Variants in PKNOX2 observed in about 807,000 individuals in gnomAD.
PKNOX2 encodes homeobox protein PKNOX2.
A neutral mutation model predicts 53.1 loss-of-function variants in PKNOX2; 14 were observed. The ratio of observed to expected loss-of-function variants is 0.26; its 90% CI spans 0.17 to 0.41. The LOEUF is 0.41. Among genes scored for constraint, PKNOX2 ranks in the 10% least tolerant of loss-of-function variants. The probability of loss-of-function intolerance (pLI) is 1.00; values close to 1 mark genes in which losing one functional copy is unlikely to be tolerated. For missense variants in PKNOX2, 496 were observed against 602.8 expected (o/e 0.82, Z 1.85); for synonymous variants, 257 against 242.8 (o/e 1.06, Z -0.54).
chr11:125,301,632 T>C (rs1484994477), intron 2 of PKNOX2, among the ~76,000 whole-genome samples: 1 of 152,128 alleles, frequency 6.6e-6, no homozygotes, highest in Admixed American at 6.5e-5. Flanking sequence ...CATATTATCT[T>C]TCCTTCTTCC....
At chr11:125,355,472 G>T (rs921132129) in intron 4 of PKNOX2, among the ~76,000 whole-genome samples, 8 of 151,962 alleles carry the variant, frequency 5.3e-5, no homozygotes, top group Non-Finnish European at 7.4e-5. Context: ...CTCACTTTAT[G>T]CCCTGAAGAG....
intron 2 of PKNOX2, among the ~76,000 whole-genome samples, chr11:125,316,878 G>A (rs61079061): frequency 5.9e-5 from 9 of 152,076 alleles, no homozygotes; most frequent in East Asian, 1.9e-4. Flanking sequence ...CAGACTCACC[G>A]TCTCACAAAA....
At position 125,196,092 on chromosome 11, in the gene PKNOX2, G is replaced by C. The variant is rs147996206; in HGVS notation, c.-201+31316G>C. On this transcript the variant is annotated intron_variant, in intron 1 of 12. Transcript: ENST00000298282. ...TCTGTCTTTAGGCATTGGGCATGGG[G>C]ATCTGTGTCAAGATCCTTAGAGGGG... 4.5e-3 allele frequency among the ~76,000 whole-genome samples: 685 copies of C among 152,196 alleles called. 18 individuals are homozygous for C. The highest frequency in any genetic ancestry group is 0.04 in the Admixed American group (619 of 15,288).
intron 10 of PKNOX2, among the ~76,000 whole-genome samples, chr11:125,412,956 A>G (rs1025232456): frequency 7.9e-5 from 12 of 152,162 alleles, no homozygotes; most frequent in African/African-American, 2.9e-4. Context: ...GTGGCAGCAG[A>G]AGACTGACTG....
At chr11:125,199,415 C>T (rs1003279664) in intron 1 of PKNOX2, among the ~76,000 whole-genome samples, 3 of 152,236 alleles carry the variant, frequency 2.0e-5, no homozygotes, top group Non-Finnish European at 4.4e-5. Context: ...CCCGCACATG[C>T]ATTCAGTGCT....
chr11:125,425,711 G>A (rs906469817), intron 10 of PKNOX2, among the ~76,000 whole-genome samples: 1 of 152,208 alleles, frequency 6.6e-6, no homozygotes, highest in African/African-American at 2.4e-5. Flanking sequence ...TAAAAGTAGC[G>A]CTGACCCAAT....
chr11:125,202,069 G>A (rs1938508975), intron 1 of PKNOX2, among the ~76,000 whole-genome samples: 1 of 152,230 alleles, frequency 6.6e-6, no homozygotes, highest in South Asian at 2.1e-4. Context: ...GTGCGGCTGG[G>A]ACTCCCAACA....
intron 2 of PKNOX2, among the ~76,000 whole-genome samples, chr11:125,295,505 C>A (rs1014419643): frequency 2.6e-5 from 4 of 152,202 alleles, no homozygotes; most frequent in Non-Finnish European, 4.4e-5. Flanking sequence ...AGCCAGAGAG[C>A]AGAGTGAGGG....
intron 3 of PKNOX2, among the ~76,000 whole-genome samples, chr11:125,339,888 G>A (rs769478593): frequency 6.6e-5 from 10 of 152,076 alleles, no homozygotes; most frequent in Non-Finnish European, 1.5e-4. Flanking sequence ...CTTTAATTTT[G>A]TTCCTTCTCC....
In PKNOX2 at chr11:125,367,929, C is replaced by T; in HGVS notation, c.171C>T (p.Pro57=). 1.9e-6 allele frequency: 3 copies of T among 1,613,652 alleles called. No individual in the cohort carries two copies. The highest frequency in any genetic ancestry group is 2.5e-6 in the Non-Finnish European group (3 of 1,179,826). ...APSAAASTPV[P]SAPIDPQAQL... ...CAGCTGCTGCCAGCACACCTGTGCC[C>T]AGTGCCCCCATCGACCCCCAGGCCC... The change falls in exon 5 of 13, where the codon CCC becomes CCT. Residue 57 remains proline, a synonymous_variant. Coordinates refer to ENST00000298282, the MANE Select transcript of PKNOX2 (RefSeq NM_001382323.2).
chr11:125,382,120 T>C (rs1953274602), intron 5 of PKNOX2, among the ~76,000 whole-genome samples: 1 of 152,120 alleles, frequency 6.6e-6, no homozygotes, highest in African/African-American at 2.4e-5. Context: ...ACATATTGCA[T>C]ACAAACAGCA....
chr11:125,366,662 GAGA>G (rs1203704379), intron 4 of PKNOX2, among the ~76,000 whole-genome samples: 1 of 152,186 alleles, frequency 6.6e-6, no homozygotes, highest in Non-Finnish European at 1.5e-5. Context: ...TCTAAATGAA[GAGA>G]AGATCTAAAT....
At chr11:125,239,448 C>T (rs1942985116) in intron 2 of PKNOX2, among the ~76,000 whole-genome samples, 1 of 152,102 alleles carries the variant, frequency 6.6e-6, no homozygotes, top group Non-Finnish European at 1.5e-5. Flanking sequence ...TAGGGTTTGT[C>T]CTCATTTTTT....
At chr11:125,244,683 A>C (rs1274044251) in intron 2 of PKNOX2, among the ~76,000 whole-genome samples, 1 of 152,190 alleles carries the variant, frequency 6.6e-6, no homozygotes, top group Non-Finnish European at 1.5e-5. Context: ...GTGTTCCCTC[A>C]ATTAAATTAG....
intron 1 of PKNOX2, among the ~76,000 whole-genome samples, chr11:125,194,413 A>C (rs1339852247): frequency 6.6e-6 from 1 of 152,206 alleles, no homozygotes; most frequent in Admixed American, 6.5e-5. Context: ...GATATTGAGC[A>C]GGTGCTGGGG....
At chr11:125,383,598 C>A (rs1367660750) in intron 5 of PKNOX2, among the ~76,000 whole-genome samples, 1 of 152,078 alleles carries the variant, frequency 6.6e-6, no homozygotes, top group African/African-American at 2.4e-5. Flanking sequence ...GCCTGGATGA[C>A]ACAGCAAGAC....
At chr11:125,387,067 A>C (rs1953689512) in intron 6 of PKNOX2, among the ~76,000 whole-genome samples, 1 of 152,108 alleles carries the variant, frequency 6.6e-6, no homozygotes, top group African/African-American at 2.4e-5. Context: ...CCTTCCCAGG[A>C]GGCAGGCCAT....
At chr11:125,409,591 G>A (rs1023273046) in intron 7 of PKNOX2, among the ~76,000 whole-genome samples, 6 of 152,146 alleles carry the variant, frequency 3.9e-5, no homozygotes, top group Admixed American at 6.5e-5. Flanking sequence ...ATACAAAGGT[G>A]AGAGCTGGAG....
At chr11:125,410,750 G>A (rs1364086202) in intron 8 of PKNOX2, 29 bp from the exon 9 acceptor site, 4 of 1,576,614 alleles carry the variant, frequency 2.5e-6, no homozygotes, top group Admixed American at 1.7e-5. Flanking sequence ...TCCCATGGCA[G>A]GGGACCCCAA....
Sources: allele counts gnomAD v4.1 joint callset (sites outside exome capture counted in the v4.1 genomes callset), GRCh38; gene constraint gnomAD v4.1.1; transcripts MANE v1.5; gene names NCBI Gene and HGNC (gene_info 2026-07-23, HGNC 2026-07-21).